The following NEMP2 variants were observed in gnomAD, a reference collection of about 807,000 sequenced individuals.
NEMP2 encodes the protein nuclear envelope integral membrane protein 2, also known as UPF0571 transmembrane protein.
In NEMP2, 53 loss-of-function variants were observed where a neutral mutation model predicts 54.2. The observed-to-expected ratio is 0.98, with a 90% CI of 0.78 to 1.23. The LOEUF (loss-of-function observed/expected upper bound fraction) is 1.23, where lower values mean the gene tolerates loss of function less well. Ranked by LOEUF, NEMP2 falls within the 50% of genes most tolerant of loss-of-function variation. NEMP2 has a pLI of 0.00. For synonymous variants in NEMP2, 197 were observed against 190.3 expected, an observed-to-expected ratio of 1.04 and a Z score of -0.29; for missense variants, 455 against 511.3, an observed-to-expected ratio of 0.89 and a Z score of 1.06.
At chr2:190,479,978 C>T in the NEMP2 span, among the ~76,000 whole-genome samples, 1 of 152,090 alleles carries the variant, frequency 6.6e-6, no homozygotes, top group South Asian at 2.1e-4. Flanking sequence ...GCCTGGGCAA[C>T]CTAGGGAGAC....
chr2:190,606,231 G>C, the NEMP2 span, among the ~76,000 whole-genome samples: 2 of 151,942 alleles, frequency 1.3e-5, no homozygotes, highest in Non-Finnish European at 2.9e-5. Context: ...TAGATTCCCA[G>C]TGACCTAAAT....
At chr2:190,537,676 G>A (rs543273934), upstream of NEMP2, among the ~76,000 whole-genome samples, 28 of 152,300 alleles carry the variant, frequency 1.8e-4, no homozygotes, top group East Asian at 4.4e-3. Context: ...CATTTAAGAG[G>A]AAGCAGAGCA....
At chr2:190,497,426 C>T in the NEMP2 span, 3 of 1,606,448 alleles carry the variant, frequency 1.9e-6, no homozygotes, top group Non-Finnish European at 2.6e-6. The surrounding 1 kb of genome is among the most constrained non-coding windows in gnomAD (Gnocchi z 5.2). Flanking sequence ...TTTAAACATT[C>T]TTTTCTCTCC....
chr2:190,479,390 A>T, the NEMP2 span, among the ~76,000 whole-genome samples: 1 of 152,216 alleles, frequency 6.6e-6, no homozygotes, highest in African/African-American at 2.4e-5. Context: ...TATTTAAAAA[A>T]GAGACAGGGA....
the NEMP2 span, among the ~76,000 whole-genome samples, chr2:190,456,785 C>T: frequency 6.6e-6 from 1 of 152,356 alleles, no homozygotes; most frequent in East Asian, 1.9e-4. The surrounding 1 kb of genome is among the most constrained non-coding windows in gnomAD (Gnocchi z 5.4). Flanking sequence ...AGCATCGATA[C>T]CTGCAGTTTC....
chr2:190,464,225 T>TA, the NEMP2 span, among the ~76,000 whole-genome samples: 25 of 152,328 alleles, frequency 1.6e-4, no homozygotes, highest in East Asian at 3.1e-3. Context: ...TTCCAAGTGA[T>TA]AAAAAACAAT....
the NEMP2 span, chr2:190,625,935 T>A: frequency 6.6e-6 from 1 of 152,232 alleles, no homozygotes; most frequent in Non-Finnish European, 1.5e-5. Context: ...GTGACTGTCT[T>A]ACTCCATTCA....
the NEMP2 span, among the ~76,000 whole-genome samples, chr2:190,563,018 A>T: frequency 1.3e-5 from 2 of 152,242 alleles, no homozygotes; most frequent in Non-Finnish European, 2.9e-5. The surrounding 1 kb of genome is among the most constrained non-coding windows in gnomAD (Gnocchi z 4.3). Flanking sequence ...TATAATTCTG[A>T]AAAGCAAAAT....
chr2:190,634,448 GA>G, the NEMP2 span, among the ~76,000 whole-genome samples: 32 of 152,008 alleles, frequency 2.1e-4, no homozygotes, highest in African/African-American at 4.3e-4. This position sits in a 1 kb window ranked among gnomAD's most constrained non-coding sequence, Gnocchi z 6.8. Flanking sequence ...CACATAGGGA[GA>G]AAAAAATGAA....
the NEMP2 span, among the ~76,000 whole-genome samples, chr2:190,474,587 C>T: frequency 6.6e-6 from 1 of 151,928 alleles, no homozygotes; most frequent in Non-Finnish European, 1.5e-5. Context: ...GCTTACCAAC[C>T]AAAAAAAGTC....
At chr2:190,537,131 T>G (rs768412775), upstream of NEMP2, among the ~76,000 whole-genome samples, 22 of 152,006 alleles carry the variant, frequency 1.4e-4, no homozygotes, top group Non-Finnish European at 2.6e-4. Context: ...TGAATATATA[T>G]AGAGAATTTC....
chr2:190,430,407 C>T, the NEMP2 span, among the ~76,000 whole-genome samples: 1 of 151,152 alleles, frequency 6.6e-6, no homozygotes, highest in Non-Finnish European at 1.5e-5. Flanking sequence ...GGTGATGACT[C>T]TTAAGGAGCA....
At chr2:190,480,984 G>A in the NEMP2 span, among the ~76,000 whole-genome samples, 3 of 152,240 alleles carry the variant, frequency 2.0e-5, no homozygotes, top group Non-Finnish European at 4.4e-5. Context: ...GAATTAAGCT[G>A]AAGCCTAATG....
At chr2:190,590,974 C>T in the NEMP2 span, among the ~76,000 whole-genome samples, 1 of 152,126 alleles carries the variant, frequency 6.6e-6, no homozygotes, top group African/African-American at 2.4e-5. This position sits in a 1 kb window ranked among gnomAD's most constrained non-coding sequence, Gnocchi z 5.1. Flanking sequence ...CACAGCTGTA[C>T]AGAATGAGGC....
At chr2:190,458,694 A>G in the NEMP2 span, among the ~76,000 whole-genome samples, 2 of 152,028 alleles carry the variant, frequency 1.3e-5, no homozygotes, top group South Asian at 4.1e-4. The surrounding 1 kb of genome is among the most constrained non-coding windows in gnomAD (Gnocchi z 5.3). Context: ...GTCACTTGAG[A>G]CTCTTTCAGT....
the NEMP2 span, chr2:190,464,800 A>T: frequency 3.1e-5 from 14 of 455,342 alleles, no homozygotes; most frequent in Non-Finnish European, 4.0e-5. Context: ...GACCAAGTAG[A>T]TTTCCTCTTC....
At chr2:190,551,572 A>G in the NEMP2 span, among the ~76,000 whole-genome samples, 1 of 152,086 alleles carries the variant, frequency 6.6e-6, no homozygotes, top group Admixed American at 6.6e-5. Flanking sequence ...CATTTCTTGT[A>G]TCATTTTCTT....
the NEMP2 span, among the ~76,000 whole-genome samples, chr2:190,549,232 G>A: frequency 2.3e-4 from 35 of 152,328 alleles, no homozygotes; most frequent in African/African-American, 8.4e-4. Context: ...CTTTCAGTGA[G>A]GCTATAGGTT....
the NEMP2 span, among the ~76,000 whole-genome samples, chr2:190,487,607 T>C: frequency 3.3e-5 from 5 of 152,200 alleles, no homozygotes; most frequent in African/African-American, 1.2e-4. This position sits in a 1 kb window ranked among gnomAD's most constrained non-coding sequence, Gnocchi z 5.5. Flanking sequence ...GAATAAACAT[T>C]TCTTCAAAGA....
Sources: gnomAD v4.1 joint callset for allele counts (sites outside exome capture counted in the v4.1 genomes callset) on GRCh38, gnomAD v4.1.1 for gene constraint, Gnocchi (gnomAD v3.1) non-coding constraint, MANE v1.5 for transcripts, NCBI Gene and HGNC (gene_info 2026-07-23, HGNC 2026-07-21) for gene names.